Variants in FYN observed in about 807,000 individuals in gnomAD.
FYN encodes the protein FYN proto-oncogene, Src family tyrosine kinase, also known as tyrosine-protein kinase Fyn.
Under a neutral mutation model 70.2 loss-of-function variants are expected in FYN, and 10 were observed. That is an observed-to-expected ratio of 0.14 (90% confidence interval 0.09 to 0.24). The LOEUF is 0.24. Among genes scored for constraint, FYN ranks in the 10% least tolerant of loss-of-function variants. The pLI is 1.00. For synonymous variants in FYN, 236 were observed against 248.6 expected (o/e 0.95, Z 0.48); for missense variants, 319 against 673.1 (o/e 0.47, Z 5.82).
chr6:111,856,326 A>C (rs1186105763), intron 1 of FYN, among the ~76,000 whole-genome samples: 1 of 152,226 alleles, frequency 6.6e-6, no homozygotes, highest in African/African-American at 2.4e-5. Flanking sequence ...AAGCCAATCA[A>C]AGATATTAAT....
intron 12 of FYN, among the ~76,000 whole-genome samples, chr6:111,691,512 A>G (rs1463048783): frequency 6.6e-6 from 1 of 152,142 alleles, no homozygotes; most frequent in Non-Finnish European, 1.5e-5. Context: ...TGTCTGGAGG[A>G]GCTGATTAAT....
chr6:111,695,868 G>C (rs2128437990), intron 10 of FYN, among the ~76,000 whole-genome samples: 1 of 152,234 alleles, frequency 6.6e-6, no homozygotes, highest in South Asian at 2.1e-4. Context: ...TGAAATGATG[G>C]AGACTAAACT....
chr6:111,679,038 C>T (rs1190701863), intron 12 of FYN, among the ~76,000 whole-genome samples: 1 of 152,178 alleles, frequency 6.6e-6, no homozygotes, highest in Non-Finnish European at 1.5e-5. Flanking sequence ...TCCCTACCTA[C>T]TTCCCCAGCT....
At chr6:111,840,718 C>G (rs937183206) in intron 2 of FYN, among the ~76,000 whole-genome samples, 3 of 152,232 alleles carry the variant, frequency 2.0e-5, no homozygotes, top group African/African-American at 7.2e-5. Flanking sequence ...CAACACCACT[C>G]TTAGAAAACT....
At chr6:111,671,317 T>C (rs574495810) in intron 13 of FYN, among the ~76,000 whole-genome samples, 17 of 152,326 alleles carry the variant, frequency 1.1e-4, no homozygotes, top group Non-Finnish European at 2.1e-4. Flanking sequence ...ACACCTCACA[T>C]ACTCCACTCT....
Position 111,867,333 on chromosome 6 carries a change from T to G in FYN, c.-123+5635A>C, listed in dbSNP as rs187916970. Among the ~76,000 whole-genome samples the G allele has an allele frequency of 1.6e-3, 250 of 151,942 alleles. 2 individuals are homozygous for G. The highest frequency in any genetic ancestry group is 5.9e-3 in the African/African-American group (244 of 41,396). On this transcript the variant is annotated intron_variant, in intron 1 of 13. Coordinates refer to ENST00000354650, the MANE Select transcript of FYN (RefSeq NM_002037.5). Reference sequence around the variant, plus strand: ...AGCCGGGTGTGGCGTTGGGTGCCTGTAATCCCAGCTACTCGGGAGGCTGAG... The same window carrying G: ...AGCCGGGTGTGGCGTTGGGTGCCTGGAATCCCAGCTACTCGGGAGGCTGAG...
At chr6:111,724,382 G>C (rs1466558563) in intron 3 of FYN, among the ~76,000 whole-genome samples, 1 of 152,150 alleles carries the variant, frequency 6.6e-6, no homozygotes, top group Non-Finnish European at 1.5e-5. Flanking sequence ...AGATGAGTCT[G>C]GTTGAACATA....
chr6:111,758,208 T>C (rs1802830282), intron 3 of FYN, among the ~76,000 whole-genome samples: 1 of 152,222 alleles, frequency 6.6e-6, no homozygotes, highest in Non-Finnish European at 1.5e-5. Context: ...TAAAATCATA[T>C]TGCAACATAA....
At chr6:111,861,942 G>T (rs1773976022) in intron 1 of FYN, among the ~76,000 whole-genome samples, 1 of 152,226 alleles carries the variant, frequency 6.6e-6, no homozygotes, top group Admixed American at 6.5e-5. Flanking sequence ...ATGCTAAGGA[G>T]ATTCTACTAC....
intron 2 of FYN, among the ~76,000 whole-genome samples, chr6:111,814,952 G>A (rs1772440215): frequency 6.6e-6 from 1 of 152,204 alleles, no homozygotes; most frequent in South Asian, 2.1e-4. Flanking sequence ...GGCAAGGCAG[G>A]TAAGCTGGTG....
intron 3 of FYN, among the ~76,000 whole-genome samples, chr6:111,748,974 T>C (rs1487656617): frequency 1.3e-5 from 2 of 152,194 alleles, no homozygotes; most frequent in African/African-American, 2.4e-5. Context: ...TGATCAAAAG[T>C]GGCAAACCAA....
At chr6:111,688,871 G>A (rs1343684721) in intron 12 of FYN, among the ~76,000 whole-genome samples, 4 of 152,266 alleles carry the variant, frequency 2.6e-5, no homozygotes, top group Middle Eastern at 3.4e-3. Flanking sequence ...CGGGGTGAGG[G>A]GGCCCTTGGA....
chr6:111,711,241 GC>G (rs1040624968), intron 5 of FYN, among the ~76,000 whole-genome samples: 7 of 151,864 alleles, frequency 4.6e-5, no homozygotes, highest in Non-Finnish European at 8.8e-5. Context: ...CTTGGGTGGG[GC>G]TCTAAACCAG....
At chr6:111,831,344 C>A (rs1451199466) in intron 2 of FYN, among the ~76,000 whole-genome samples, 1 of 152,100 alleles carries the variant, frequency 6.6e-6, no homozygotes, top group Admixed American at 6.6e-5. Context: ...GTATAATAAT[C>A]CAAAGACTCC....
chr6:111,839,665 C>T (rs1352366598), intron 2 of FYN, among the ~76,000 whole-genome samples: 4 of 152,080 alleles, frequency 2.6e-5, no homozygotes, highest in Non-Finnish European at 4.4e-5. Context: ...ACCAGAATGA[C>T]GGGATTCCTG....
rs146483733 is a variant in FYN at position 111,778,319 on chromosome 6, T to C, written c.-12+2247A>G. Among the ~76,000 whole-genome samples the C allele has an allele frequency of 1.5e-3, 223 of 152,218 alleles. 1 individual carries two copies. The East Asian group carries it at 0.019, about 13-fold the overall frequency. On this transcript the variant is annotated intron_variant, in intron 3 of 13. Coordinates refer to ENST00000354650, the MANE Select transcript of FYN (RefSeq NM_002037.5). ...GTGGGCTGGAGTGTTAGAAAGTGAG[T>C]GGACTTACTTCGAAGGTGACTAAGA...
intron 12 of FYN, among the ~76,000 whole-genome samples, chr6:111,692,107 C>A (rs75997818): frequency 4.7e-5 from 7 of 148,252 alleles, no homozygotes; most frequent in Admixed American, 1.3e-4. Flanking sequence ...CATTTCCCCC[C>A]CCCCCAGTTC....
At chr6:111,768,128 C>A (rs532320616) in intron 3 of FYN, among the ~76,000 whole-genome samples, 4 of 152,152 alleles carry the variant, frequency 2.6e-5, no homozygotes, top group African/African-American at 9.7e-5. Flanking sequence ...TGCACACATG[C>A]GTGTATGTGG....
chr6:111,747,761 C>T (rs72942119), intron 3 of FYN, among the ~76,000 whole-genome samples: 3 of 152,296 alleles, frequency 2.0e-5, no homozygotes, highest in Non-Finnish European at 4.4e-5. Context: ...AGCTGGCAGG[C>T]TTCCTTTCCA....
Sources: gnomAD v4.1 joint callset for allele counts (sites outside exome capture counted in the v4.1 genomes callset) on GRCh38, gnomAD v4.1.1 for gene constraint, MANE v1.5 for transcripts, NCBI Gene and HGNC (gene_info 2026-07-23, HGNC 2026-07-21) for gene names.